Variants in WWOX observed in about 807,000 individuals in gnomAD.
WWOX encodes the protein WW domain containing oxidoreductase.
WWOX carries 69 observed loss-of-function variants against 46.2 expected under a neutral mutation model. The ratio of observed to expected loss-of-function variants is 1.49; its 90% CI spans 1.23 to 1.82. WWOX has a LOEUF of 1.82. Among genes scored for constraint, WWOX ranks in the 40% most tolerant of loss-of-function variants. The pLI is 0.00. For synonymous variants in WWOX, 359 were observed against 202.6 expected (o/e 1.77, Z -6.56); for missense variants, 919 against 542.6 (o/e 1.69, Z -6.89).
At chr16:78,365,949 T>G (rs4888791) in intron 5 of WWOX, among the ~76,000 whole-genome samples, 78,533 of 152,034 alleles carry the variant, frequency 0.52, 22,021 homozygotes, top group Non-Finnish European at 0.64. Context: ...TGGACAGAAG[T>G]ATTATGCCCA....
At chr16:78,535,655 A>G (rs1454159747) in intron 8 of WWOX, 1 of 152,230 alleles carries the variant, frequency 6.6e-6, no homozygotes, top group Non-Finnish European at 1.5e-5. Flanking sequence ...AAGGAAGTTT[A>G]AACAATCTCT....
intron 5 of WWOX, among the ~76,000 whole-genome samples, chr16:78,270,012 T>A (rs188502420): frequency 5.5e-4 from 83 of 150,764 alleles, no homozygotes; most frequent in African/African-American, 1.8e-3. Flanking sequence ...CTAAAGATAC[T>A]TTTTCAGCAG....
intron 4 of WWOX, among the ~76,000 whole-genome samples, chr16:78,132,919 G>C (rs2033653499): frequency 6.6e-6 from 1 of 152,158 alleles, no homozygotes; most frequent in South Asian, 2.1e-4. Flanking sequence ...GCAAAGCACA[G>C]TATTTGAACA....
chr16:78,640,964 AGAAAGGAAGGACAGAT>A (rs1299177767), intron 8 of WWOX, among the ~76,000 whole-genome samples: 1 of 151,754 alleles, frequency 6.6e-6, no homozygotes, highest in Non-Finnish European at 1.5e-5. Flanking sequence ...GAAGAAGAAA[AGAAAGGAAGGACAGAT>A]GGAAGGAAGG....
chr16:78,856,137 T>A (rs11865833), intron 8 of WWOX, among the ~76,000 whole-genome samples: 113,924 of 152,010 alleles, frequency 0.75, 43,431 homozygotes, highest in Middle Eastern at 0.88. Flanking sequence ...GAGTTCAGGG[T>A]TGAAAAGAGT....
At chr16:78,497,494 T>A (rs2738730) in intron 8 of WWOX, among the ~76,000 whole-genome samples, 1 of 152,044 alleles carries the variant, frequency 6.6e-6, no homozygotes, top group African/African-American at 2.4e-5. Flanking sequence ...AAAAATTTCT[T>A]TACAGAAAGG....
At chr16:78,622,711 T>C (rs551934178) in intron 8 of WWOX, among the ~76,000 whole-genome samples, 1 of 152,104 alleles carries the variant, frequency 6.6e-6, no homozygotes, top group East Asian at 1.9e-4. Context: ...ACCAATAGAA[T>C]ATGAAAAAGA....
At chr16:78,742,591 C>T (rs935046975) in intron 8 of WWOX, among the ~76,000 whole-genome samples, 2 of 152,182 alleles carry the variant, frequency 1.3e-5, no homozygotes, top group South Asian at 2.1e-4. Flanking sequence ...CAGCGATCCC[C>T]AGCGCATCAC....
At position 78,919,430 on chromosome 16, in the gene WWOX, A is replaced by G. The variant is rs993543574; in HGVS notation, c.1057-292178A>G. Among the ~76,000 whole-genome samples, 3 of 151,952 alleles carry G rather than the reference A, an allele frequency of 2.0e-5. No individual in the cohort carries two copies. The East Asian group carries it at 5.8e-4, about 29-fold the overall frequency. Reference sequence around the variant, plus strand: ...GGTCTAGCACAGGATCACCATTGGTAGATCATCACTTAGAATGCCATCACT... The same window carrying G: ...GGTCTAGCACAGGATCACCATTGGTGGATCATCACTTAGAATGCCATCACT... On this transcript the variant is annotated intron_variant, in intron 8 of 8. Coordinates refer to ENST00000566780, the MANE Select transcript of WWOX (RefSeq NM_016373.4).
At chr16:78,428,978 AT>A (rs149212651) in intron 7 of WWOX, among the ~76,000 whole-genome samples, 172 of 152,300 alleles carry the variant, frequency 1.1e-3, no homozygotes, top group African/African-American at 4.0e-3. Context: ...AAACTGTCAA[AT>A]TCTCATCATG....
intron 6 of WWOX, among the ~76,000 whole-genome samples, chr16:78,416,540 C>G (rs1447019231): frequency 1.3e-5 from 2 of 152,158 alleles, no homozygotes; most frequent in Non-Finnish European, 2.9e-5. Flanking sequence ...TTCCCAGGTC[C>G]TCTGTGGGTT....
At chr16:78,834,788 T>G (rs1484334938) in intron 8 of WWOX, among the ~76,000 whole-genome samples, 1 of 152,180 alleles carries the variant, frequency 6.6e-6, no homozygotes, top group African/African-American at 2.4e-5. Context: ...AATCATTACA[T>G]TAGTTTACCC....
chr16:78,607,197 A>C (rs1335172254), intron 8 of WWOX, among the ~76,000 whole-genome samples: 1 of 152,196 alleles, frequency 6.6e-6, no homozygotes, highest in Non-Finnish European at 1.5e-5. Flanking sequence ...AAAATACTTC[A>C]TATTTTATTA....
chr16:78,365,157 T>A (rs57426415), intron 5 of WWOX, among the ~76,000 whole-genome samples: 8,917 of 152,126 alleles, frequency 0.059, 313 homozygotes, highest in East Asian at 0.12. Flanking sequence ...GATGCTGAGG[T>A]TGAGGGAAGA....
intron 8 of WWOX, among the ~76,000 whole-genome samples, chr16:78,477,177 A>T (rs1162279631): frequency 6.6e-6 from 1 of 152,198 alleles, no homozygotes; most frequent in African/African-American, 2.4e-5. Flanking sequence ...TCGAAGCAGC[A>T]AGAGTAGTCA....
intron 5 of WWOX, among the ~76,000 whole-genome samples, chr16:78,308,992 A>G (rs1335007339): frequency 6.6e-6 from 1 of 152,154 alleles, no homozygotes; most frequent in Non-Finnish European, 1.5e-5. Flanking sequence ...GCTTGAATCC[A>G]TGTGATATGG....
chr16:78,475,218 T>C lies in WWOX; in HGVS notation c.1056+42466T>C, dbSNP rs370046020. Among the ~76,000 whole-genome samples, 9 of 152,328 alleles carry C rather than the reference T, an allele frequency of 5.9e-5. No individual in the cohort carries two copies. In the East Asian group the frequency reaches 1.4e-3, roughly 23 times the overall value. On this transcript the variant is annotated intron_variant, in intron 8 of 8. Transcript: ENST00000566780. ...TTTAGAAATCATAATGTGGACATCA[T>C]TGATTTCTCTGATGCTGGAAGCTGC... is the stretch of plus-strand genomic sequence containing the variant.
chr16:78,702,046 A>ATATATATATATATAT (rs2048232458), intron 8 of WWOX, among the ~76,000 whole-genome samples: 1 of 91,412 alleles, frequency 1.1e-5, no homozygotes, highest in African/African-American at 4.7e-5. Flanking sequence ...TATATATATA[A>ATATATATATATATAT]AATAATGCAG....
At chr16:78,932,850 T>C (rs2045653892) in intron 8 of WWOX, among the ~76,000 whole-genome samples, 1 of 152,010 alleles carries the variant, frequency 6.6e-6, no homozygotes, top group Non-Finnish European at 1.5e-5. Flanking sequence ...CATTTGGAGG[T>C]CATCTGGCCC....
Sources: allele counts gnomAD v4.1 joint callset (sites outside exome capture counted in the v4.1 genomes callset), GRCh38; gene constraint gnomAD v4.1.1; transcripts MANE v1.5; gene names NCBI Gene and HGNC (gene_info 2026-07-23, HGNC 2026-07-21).